Variants in WIPF1 observed in about 807,000 individuals in gnomAD.
The protein encoded by WIPF1 is WAS/WASL interacting protein family member 1, also known as WAS/WASL-interacting protein family member 1.
In WIPF1, 13 loss-of-function variants were observed where a neutral mutation model predicts 35.4. That is an observed-to-expected ratio of 0.37 (90% CI 0.24 to 0.58). The LOEUF (loss-of-function observed/expected upper bound fraction) is 0.58. Ranked by LOEUF, WIPF1 falls within the 20% of genes least tolerant of loss-of-function variation. The probability of loss-of-function intolerance (pLI) is 0.74; values close to 1 mark genes in which losing one functional copy is unlikely to be tolerated. For synonymous variants in WIPF1, 267 were observed against 266.3 expected (o/e 1.00, Z -0.02); for missense variants, 591 against 667.0 (o/e 0.89, Z 1.25).
rs1559148571 is a variant in WIPF1, at chr2:174,575,278, C to A, written c.284G>T (p.Gly95Val). 1 of 1,613,918 alleles carries A rather than the reference C, an allele frequency of 6.2e-7. No individual in the cohort carries two copies. Among genetic ancestry groups the A allele is most frequent in the Admixed American group, 1.7e-5 (1 of 60,008 alleles). The change falls in exon 4 of 8, where the codon GGC becomes GTC. Residue 95 changes from glycine (G) to valine (V), a missense_variant. Physicochemically the swap from Gly to Val is moderately radical, Grantham distance 109. Transcript: ENST00000679041. Reference protein sequence around the residue: ...GGGGGGSFGGGGPPGLGGLFQ... With the variant: ...GGGGGGSFGGVGPPGLGGLFQ... ...CAATCCTCCCAGACCTGGAGGTCCG[C>A]CCCCTCCAAAACTTCCACCGCCTCC...
intron 1 of WIPF1, among the ~76,000 whole-genome samples, chr2:174,667,826 G>C (rs1370446371): frequency 6.6e-6 from 1 of 152,200 alleles, no homozygotes; most frequent in African/African-American, 2.4e-5. Flanking sequence ...AAAGGAAGTA[G>C]CCATTTCCCT....
chr2:174,670,670 A>C (rs1187744562), intron 1 of WIPF1, among the ~76,000 whole-genome samples: 1 of 152,230 alleles, frequency 6.6e-6, no homozygotes. Context: ...CTGCTGAGCC[A>C]AAACAGCAAT....
At chr2:174,627,937 C>G (rs1404784015) in intron 1 of WIPF1, among the ~76,000 whole-genome samples, 1 of 152,084 alleles carries the variant, frequency 6.6e-6, no homozygotes, top group African/African-American at 2.4e-5. Flanking sequence ...AGAGGAGCAA[C>G]AACAAAGTAA....
chr2:174,574,383 C>T (rs904746176), intron 4 of WIPF1, among the ~76,000 whole-genome samples: 1 of 152,086 alleles, frequency 6.6e-6, no homozygotes, highest in African/African-American at 2.4e-5. Flanking sequence ...AGATTTGGAC[C>T]ATTCAGTGAT....
At chr2:174,630,860 C>T (rs967110320) in intron 1 of WIPF1, among the ~76,000 whole-genome samples, 1 of 152,180 alleles carries the variant, frequency 6.6e-6, no homozygotes, top group Admixed American at 6.5e-5. Context: ...CCATGGTCAC[C>T]CCTCCAGAAT....
At chr2:174,650,357 T>C (rs1391545768) in intron 1 of WIPF1, among the ~76,000 whole-genome samples, 2 of 152,250 alleles carry the variant, frequency 1.3e-5, no homozygotes, top group African/African-American at 4.8e-5. Flanking sequence ...GCAGTTTAGT[T>C]TGACAGTTTT....
intron 1 of WIPF1, among the ~76,000 whole-genome samples, chr2:174,593,321 C>T (rs1169408221): frequency 2.6e-5 from 4 of 152,102 alleles, no homozygotes; most frequent in Admixed American, 2.6e-4. Context: ...ATACATGTAA[C>T]ACAAAAGTGT....
intron 1 of WIPF1, among the ~76,000 whole-genome samples, 157 bp downstream of exon 1, chr2:174,597,444 G>A (rs1685854613): frequency 6.6e-6 from 1 of 152,212 alleles, no homozygotes. Flanking sequence ...CCATAGTGGT[G>A]AAACTAGCAT....
intron 1 of WIPF1, among the ~76,000 whole-genome samples, chr2:174,662,412 A>G (rs1419011288): frequency 6.6e-6 from 1 of 152,210 alleles, no homozygotes; most frequent in African/African-American, 2.4e-5. Context: ...TTGGTGGTCT[A>G]GACTGTTAGC....
intron 1 of WIPF1, among the ~76,000 whole-genome samples, chr2:174,610,793 C>G (rs1686319202): frequency 6.6e-6 from 1 of 152,128 alleles, no homozygotes; most frequent in African/African-American, 2.4e-5. Flanking sequence ...TCACCCAGCT[C>G]CTGACCACGG....
intron 1 of WIPF1, among the ~76,000 whole-genome samples, chr2:174,667,399 CCCTTTCCACCT>C (rs1279599280): frequency 1.3e-5 from 2 of 152,196 alleles, no homozygotes; most frequent in Non-Finnish European, 2.9e-5. Flanking sequence ...CACTTTACAA[CCCTTTCCACCT>C]CCACCCCCGT....
chr2:174,580,028 G>A (rs567624602), intron 3 of WIPF1, among the ~76,000 whole-genome samples: 18 of 151,856 alleles, frequency 1.2e-4, no homozygotes, highest in South Asian at 1.0e-3. Context: ...TCAGCTCACC[G>A]TAACTTCCAC....
At chr2:174,646,326 A>G (rs746786899) in intron 1 of WIPF1, among the ~76,000 whole-genome samples, 6 of 152,216 alleles carry the variant, frequency 3.9e-5, no homozygotes, top group African/African-American at 1.4e-4. Flanking sequence ...AAACAAGTTC[A>G]TATCACTCCC....
chr2:174,602,187 A>C (rs187631899), upstream of WIPF1, among the ~76,000 whole-genome samples: 19 of 152,352 alleles, frequency 1.2e-4, no homozygotes, highest in African/African-American at 4.6e-4. Context: ...CAGACCAATC[A>C]CATAAAGAAT....
At position 174,662,059 on chromosome 2, in the gene WIPF1, A is replaced by G. The variant is rs558849306; in HGVS notation, c.-39+20715T>C. Among the ~76,000 whole-genome samples the G allele has an allele frequency of 6.4e-4, 97 of 152,248 alleles. 1 individual carries two copies. Among genetic ancestry groups the G allele is most frequent in the African/African-American group, 2.0e-3 (84 of 41,542 alleles). ...TTGACAGAGTCATCCCTCCATACAT[A>G]TGTGGGGTTGGTTCCAGGACCCCTG... On this transcript the variant is annotated intron_variant, in intron 1 of 8. Coordinates refer to the WIPF1 transcript ENST00000272746.
At chr2:174,669,325 T>C (rs978826306) in intron 1 of WIPF1, among the ~76,000 whole-genome samples, 10 of 152,162 alleles carry the variant, frequency 6.6e-5, no homozygotes, top group Admixed American at 2.0e-4. Flanking sequence ...CCAATATAAG[T>C]GAAGAAGTGC....
At chr2:174,592,932 T>C (rs1685668506) in intron 1 of WIPF1, among the ~76,000 whole-genome samples, 1 of 152,214 alleles carries the variant, frequency 6.6e-6, no homozygotes, top group Non-Finnish European at 1.5e-5. Context: ...TTATATATAA[T>C]GCTCTTAACT....
In WIPF1 at chr2:174,560,027, C is replaced by T. The variant is rs951493340; in HGVS notation, c.*2520G>A. 1 of 152,354 alleles carries T rather than the reference C, an allele frequency of 6.6e-6. No homozygotes were observed. Among genetic ancestry groups the T allele is most frequent in the African/African-American group, 2.4e-5 (1 of 41,340 alleles). 9.4% of individuals were successfully genotyped at this position (152,354 alleles called of 1,614,324 possible). On this transcript the variant is annotated 3_prime_UTR_variant, in exon 8 of 8. Coordinates refer to ENST00000679041, the MANE Select transcript of WIPF1 (RefSeq NM_001375834.1). ...TGAGTTTTAATACTGTAATACATTT[C>T]AATATAAAATAAGAGGTGAATGTTA...
chr2:174,622,076 T>C lies in WIPF1; in HGVS notation c.-38-36465A>G, dbSNP rs563865693. Among the ~76,000 whole-genome samples, 14 of 151,430 alleles carry C rather than the reference T, an allele frequency of 9.2e-5. No individual in the cohort carries two copies. The highest frequency in any genetic ancestry group is 2.7e-4 in the African/African-American group (11 of 41,424). Reference sequence around the variant, plus strand: ...TTGGAAGTTTAGGAGACATGAAGCATAGAAAATCATTTCCTCTAAATGTTG... The same window carrying C: ...TTGGAAGTTTAGGAGACATGAAGCACAGAAAATCATTTCCTCTAAATGTTG... On this transcript the variant is annotated intron_variant, in intron 1 of 8. Transcript: ENST00000272746. The surrounding 1 kb of genome is among the most constrained non-coding windows in gnomAD (Gnocchi z 5.1).
Sources: allele counts gnomAD v4.1 joint callset (sites outside exome capture counted in the v4.1 genomes callset), GRCh38; gene constraint gnomAD v4.1.1; non-coding constraint Gnocchi (gnomAD v3.1); transcripts MANE v1.5; gene names NCBI Gene and HGNC (gene_info 2026-07-23, HGNC 2026-07-21).